INPP4B: variants seen among roughly 807,000 people sequenced by gnomAD.
The protein encoded by INPP4B is inositol polyphosphate 4-phosphatase type II.
INPP4B carries 55 observed loss-of-function variants against 122.5 expected under a neutral mutation model. The observed-to-expected ratio is 0.45, with a 90% CI of 0.36 to 0.56. The LOEUF (loss-of-function observed/expected upper bound fraction) is 0.56. Among genes scored for constraint, INPP4B ranks in the 20% least tolerant of loss-of-function variants. The pLI, the probability that INPP4B is intolerant of heterozygous loss-of-function variation, is 0.00. For synonymous variants in INPP4B, 403 were observed against 388.7 expected, an observed-to-expected ratio of 1.04 and a Z score of -0.43; for missense variants, 1,000 against 1,097.7, an observed-to-expected ratio of 0.91 and a Z score of 1.26.
At chr4:142,121,984 A>G in intron 21 of INPP4B, 144 bp downstream of exon 21, 1 of 601,230 alleles carries the variant, frequency 1.7e-6, no homozygotes, top group Non-Finnish European at 2.9e-6. Context: ...CATATCATCC[A>G]TGTGTATTTC....
chr4:142,097,144 C>T (rs1268214842), intron 23 of INPP4B, among the ~76,000 whole-genome samples: 1 of 151,694 alleles, frequency 6.6e-6, no homozygotes, highest in Non-Finnish European at 1.5e-5. Flanking sequence ...CAGGCTAACC[C>T]CAGGTCATAC....
chr4:142,781,747 T>G (rs1043003260), intron 1 of INPP4B, among the ~76,000 whole-genome samples: 4 of 152,150 alleles, frequency 2.6e-5, no homozygotes, highest in Non-Finnish European at 5.9e-5. Context: ...ACGTAAGGTG[T>G]GTGCCACTGA....
At chr4:142,665,221 G>A (rs969305926) in intron 2 of INPP4B, among the ~76,000 whole-genome samples, 4 of 152,200 alleles carry the variant, frequency 2.6e-5, no homozygotes, top group East Asian at 3.9e-4. Context: ...GGCCAGGCAC[G>A]GTGGCTCACG....
intron 25 of INPP4B, among the ~76,000 whole-genome samples, chr4:142,064,545 C>T (rs181370738): frequency 2.6e-4 from 39 of 152,158 alleles, no homozygotes; most frequent in African/African-American, 7.9e-4. Context: ...ACTACAGATA[C>T]TAGGAGTTTT....
At chr4:142,827,323 C>A (rs2151171561) in intron 1 of INPP4B, among the ~76,000 whole-genome samples, 1 of 152,282 alleles carries the variant, frequency 6.6e-6, no homozygotes, top group Non-Finnish European at 1.5e-5. Flanking sequence ...TGAATATTTG[C>A]AGAACTTAAT....
chr4:142,440,324 G>T (rs1176509432), intron 3 of INPP4B, among the ~76,000 whole-genome samples: 2 of 152,128 alleles, frequency 1.3e-5, no homozygotes, highest in Non-Finnish European at 2.9e-5. Flanking sequence ...ACCAAATAAG[G>T]GCTCAAATAA....
intron 7 of INPP4B, among the ~76,000 whole-genome samples, chr4:142,326,234 AAGAAGG>A (rs1440877176): frequency 3.9e-5 from 6 of 152,224 alleles, no homozygotes; most frequent in Non-Finnish European, 7.3e-5. Context: ...TAACTAAAGC[AAGAAGG>A]AGAAACCTCT....
intron 15 of INPP4B, among the ~76,000 whole-genome samples, chr4:142,190,816 AT>A (rs1410969574): frequency 6.6e-6 from 1 of 152,066 alleles, no homozygotes. Context: ...TTATGCAAAT[AT>A]TTAAACCTTA....
chr4:142,825,588 C>T (rs546150114), intron 1 of INPP4B, among the ~76,000 whole-genome samples: 4 of 151,882 alleles, frequency 2.6e-5, no homozygotes, highest in Non-Finnish European at 5.9e-5. Context: ...AAGAAATAAC[C>T]GTACTACAAA....
intron 15 of INPP4B, among the ~76,000 whole-genome samples, chr4:142,189,673 C>T (rs932271755): frequency 2.0e-5 from 3 of 151,878 alleles, no homozygotes; most frequent in Non-Finnish European, 2.9e-5. Context: ...ATGAGGAGAA[C>T]AGAATAAAAG....
rs576190369 is a variant in INPP4B at position 142,799,765 on chromosome 4, G to C, written c.-254+46444C>G. On this transcript the variant is annotated intron_variant, in intron 1 of 25. Coordinates refer to ENST00000262992, the MANE Select transcript of INPP4B (RefSeq NM_001101669.3). Reference sequence around the variant, plus strand: ...TATCTGCAAGTTTGTTCCCTGTTTTGTTTTTACTAAATATTGTAACAAAAG... The same window carrying C: ...TATCTGCAAGTTTGTTCCCTGTTTTCTTTTTACTAAATATTGTAACAAAAG... Among the ~76,000 whole-genome samples the C allele has an allele frequency of 4.7e-4, 71 of 151,682 alleles. No homozygotes were observed. In the South Asian group the frequency reaches 0.014, roughly 31 times the overall value.
In INPP4B at chr4:142,356,799, C is replaced by T. The variant is rs750691795; in HGVS notation, c.373-42037G>A. ...TGACTCTTGGTGGGATGCTGGATGG[C>T]GGCTGGTCACCAGGAAGACCAAGGC... On this transcript the variant is annotated intron_variant, in intron 7 of 25. Coordinates refer to ENST00000262992, the MANE Select transcript of INPP4B (RefSeq NM_001101669.3). Among the ~76,000 whole-genome samples the T allele has an allele frequency of 1.5e-4, 22 of 151,706 alleles. 1 individual carries two copies. Among genetic ancestry groups the T allele is most frequent in the Admixed American group, 7.2e-4 (11 of 15,210 alleles).
chr4:142,548,918 A>T (rs1017310126), intron 2 of INPP4B, among the ~76,000 whole-genome samples: 9 of 152,126 alleles, frequency 5.9e-5, no homozygotes, highest in African/African-American at 2.2e-4. Flanking sequence ...AATATTAATT[A>T]TTATACTGTG....
Position 142,122,112 on chromosome 4 carries a change from A to G in INPP4B, c.2135+16T>C, listed in dbSNP as rs1161329887. ...GTCTAACAAAGCCTGGTCTTCAGGA[A>G]GTGAGCACTGCTTACCGTCTTCCTG... On this transcript the variant is annotated intron_variant, in intron 21 of 25. Transcript: ENST00000262992. The G allele has an allele frequency of 1.3e-6, 2 of 1,519,104 alleles. No homozygotes were observed. Among genetic ancestry groups the G allele is most frequent in the Non-Finnish European group, 1.8e-6 (2 of 1,097,672 alleles). The allele number at this position is 1,519,104 out of a possible 1,614,324, so 94.1% of individuals were successfully genotyped here. A position where few individuals can be genotyped will look rare whatever the true frequency, so the allele number is the denominator to read the frequency against.
chr4:142,729,351 G>A (rs78247442), intron 1 of INPP4B, among the ~76,000 whole-genome samples: 3,441 of 152,244 alleles, frequency 0.023, 59 homozygotes, highest in Middle Eastern at 0.095. Context: ...AGCTGCACGT[G>A]ACAAACTGAC....
chr4:142,642,224 T>A (rs1181726106), intron 2 of INPP4B, among the ~76,000 whole-genome samples: 12 of 152,232 alleles, frequency 7.9e-5, no homozygotes, highest in Non-Finnish European at 1.5e-4. Flanking sequence ...GGTTGCCTGT[T>A]CACTCTAATG....
At chr4:142,250,718 A>G (rs1731560108) in intron 11 of INPP4B, among the ~76,000 whole-genome samples, 1 of 152,118 alleles carries the variant, frequency 6.6e-6, no homozygotes, top group South Asian at 2.1e-4. Context: ...ATTTAGTCTC[A>G]TCTTCCCCTG....
At chr4:142,176,415 T>G (rs1561384254) in intron 15 of INPP4B, among the ~76,000 whole-genome samples, 1 of 151,998 alleles carries the variant, frequency 6.6e-6, no homozygotes, top group Non-Finnish European at 1.5e-5. Flanking sequence ...TACACTCACT[T>G]CTATCCATTC....
intron 1 of INPP4B, among the ~76,000 whole-genome samples, chr4:142,728,425 G>A (rs757611280): frequency 2.0e-5 from 3 of 152,174 alleles, no homozygotes; most frequent in Non-Finnish European, 2.9e-5. Flanking sequence ...ATGTACTCCC[G>A]AAAGATATGT....
Sources: allele counts gnomAD v4.1 joint callset (sites outside exome capture counted in the v4.1 genomes callset), GRCh38; gene constraint gnomAD v4.1.1; transcripts MANE v1.5; gene names NCBI Gene and HGNC (gene_info 2026-07-23, HGNC 2026-07-21).